TCTN2: variants seen among roughly 807,000 people sequenced by gnomAD.
The protein encoded by TCTN2 is tectonic-2.
In TCTN2, 66 loss-of-function variants were observed where a neutral mutation model predicts 83.4. The ratio of observed to expected loss-of-function variants is 0.79; its 90% CI spans 0.65 to 0.97. TCTN2 has a LOEUF of 0.97. Ranked by LOEUF, TCTN2 falls within the 50% of genes least tolerant of loss-of-function variation. The probability of loss-of-function intolerance (pLI) is 0.00; values close to 1 mark genes in which losing one functional copy is unlikely to be tolerated. For synonymous variants in TCTN2, 301 were observed against 326.7 expected (o/e 0.92, Z 0.85); for missense variants, 794 against 858.1 (o/e 0.93, Z 0.93).
chr12:123,676,566 TAAAAAAAAAAA>T (rs60100973), intron 4 of TCTN2, among the ~76,000 whole-genome samples: 23 of 60,696 alleles, frequency 3.8e-4, no homozygotes, highest in Admixed American at 2.5e-3. Flanking sequence ...AGACTCCATC[TAAAAAAAAAAA>T]AAAAAAAAAA....
intron 4 of TCTN2, among the ~76,000 whole-genome samples, chr12:123,677,659 C>T (rs986930437): frequency 1.3e-5 from 2 of 152,154 alleles, no homozygotes; most frequent in Non-Finnish European, 2.9e-5. Flanking sequence ...AGCATTTCTC[C>T]TGAGCTGCTT....
intron 4 of TCTN2, among the ~76,000 whole-genome samples, chr12:123,677,962 C>T (rs1955845032): frequency 6.6e-6 from 1 of 152,150 alleles, no homozygotes; most frequent in East Asian, 1.9e-4. Flanking sequence ...GTTTCAGGCT[C>T]AGCGCATTCT....
At chr12:123,676,460 C>A (rs541609393) in intron 4 of TCTN2, among the ~76,000 whole-genome samples, 1 of 147,124 alleles carries the variant, frequency 6.8e-6, no homozygotes, top group African/African-American at 2.5e-5. Flanking sequence ...CCCAGCTACT[C>A]GAGAGGCTGA....
At chr12:123,693,709 C>T (rs2135845006) in intron 9 of TCTN2, among the ~76,000 whole-genome samples, 1 of 152,148 alleles carries the variant, frequency 6.6e-6, no homozygotes, top group Non-Finnish European at 1.5e-5. Flanking sequence ...CTGCCTTGGC[C>T]TCCCAAAGTG....
At chr12:123,688,244 C>A in intron 7 of TCTN2, 67 bp downstream of exon 7, 1 of 1,548,386 alleles carries the variant, frequency 6.5e-7, no homozygotes, top group Non-Finnish European at 8.7e-7. Context: ...GAGACGGAGT[C>A]TCGCTCTTAC....
intron 4 of TCTN2, 63 bp downstream of exon 4, chr12:123,673,873 TAGG>T (rs1252988898): frequency 2.0e-6 from 3 of 1,535,226 alleles, no homozygotes; most frequent in South Asian, 1.1e-5. Flanking sequence ...GAGGAAGAGG[TAGG>T]AGGATTGCTT....
intron 7 of TCTN2, among the ~76,000 whole-genome samples, chr12:123,689,491 A>T (rs1220690291): frequency 6.6e-6 from 1 of 152,150 alleles, no homozygotes; most frequent in Non-Finnish European, 1.5e-5. Context: ...AGCAGTAACT[A>T]TCATTCTTTG....
At chr12:123,678,600 A>G (rs1253241292) in intron 4 of TCTN2, among the ~76,000 whole-genome samples, 18 of 151,520 alleles carry the variant, frequency 1.2e-4, no homozygotes, top group Admixed American at 1.1e-3. Context: ...AAATCAGTAC[A>G]TTATGTATAT....
intron 7 of TCTN2, among the ~76,000 whole-genome samples, chr12:123,689,334 G>T (rs1180959502): frequency 6.6e-6 from 1 of 152,022 alleles, no homozygotes; most frequent in East Asian, 1.9e-4. Flanking sequence ...GGGATTACAG[G>T]CTTGAGCCAC....
At chr12:123,695,353 C>T (rs1391272267) in intron 11 of TCTN2, 56 bp downstream of exon 11, 1 of 1,165,820 alleles carries the variant, frequency 8.6e-7, no homozygotes, top group Admixed American at 1.7e-5. Context: ...GTTCAACACT[C>T]CCAGCCATCA....
intron 14 of TCTN2, 93 bp downstream of exon 14, chr12:123,699,903 C>G: frequency 1.0e-6 from 1 of 964,944 alleles, no homozygotes; most frequent in Non-Finnish European, 1.7e-6. Flanking sequence ...AGTAGGTCAT[C>G]TTCCTGAGGC....
chr12:123,699,753 G>C lies in TCTN2; in HGVS notation c.1555G>C (p.Ala519Pro). 6.2e-7 allele frequency: 1 copy of C among 1,614,220 alleles called. No homozygotes were observed. The highest frequency in any genetic ancestry group is 8.5e-7 in the Non-Finnish European group (1 of 1,180,046). Residue 519 changes from alanine to proline, a missense_variant, in exon 14 of 18, where the codon GCA becomes CCA. Coordinates refer to ENST00000303372, the MANE Select transcript of TCTN2 (RefSeq NM_024809.5). ...LDSLIQATHV[A>P]MRGNSDYADL... ...TTCATTAATACAAGCGACTCACGTT[G>C]CAATGAGAGGCAACTCCGATTACGC...
rs760245764 is a variant in TCTN2 at position 123,671,513 on chromosome 12, T to C, written c.89T>C (p.Ile30Thr). Residue 30 changes from isoleucine to threonine, a missense_variant, in exon 2 of 18, where the codon ATC (isoleucine) becomes ACC (threonine). Physicochemically the swap from Ile to Thr is moderately conservative, Grantham distance 89. Coordinates refer to ENST00000303372, the MANE Select transcript of TCTN2 (RefSeq NM_024809.5). Reference sequence around the variant, plus strand: ...CCCTTTCCTTCCCGCCTAGCTTTCATCCCTCCTTTTATCCGAATGTCCGGC... The same window carrying C: ...CCCTTTCCTTCCCGCCTAGCTTTCACCCCTCCTTTTATCCGAATGTCCGGC... Reference protein sequence around the residue: ...LRLLWGDLAFIPPFIRMSGPA... With the variant: ...LRLLWGDLAFTPPFIRMSGPA... 12 of 1,613,974 alleles carry C rather than the reference T, an allele frequency of 7.4e-6. No individual in the cohort carries two copies. In the Admixed American group the frequency reaches 1.5e-4, roughly 20 times the overall value.
chr12:123,696,581 A>G (rs1956112548), intron 12 of TCTN2, 86 bp downstream of exon 12: 3 of 1,247,288 alleles, frequency 2.4e-6, no homozygotes, highest in Non-Finnish European at 3.5e-6. Context: ...CAAGCAATCA[A>G]TTATTTTAAA....
At chr12:123,681,076 C>T (rs1249806905) in intron 5 of TCTN2, among the ~76,000 whole-genome samples, 3 of 151,802 alleles carry the variant, frequency 2.0e-5, no homozygotes, top group African/African-American at 7.3e-5. Context: ...GGATACCAGC[C>T]TGGGCAACAT....
At chr12:123,671,731 T>TG (rs1724490915) in intron 2 of TCTN2, 117 bp downstream of exon 2, 2 of 871,844 alleles carry the variant, frequency 2.3e-6, no homozygotes, top group East Asian at 5.2e-5. Context: ...CAAAGTCGCA[T>TG]GGGGAGAAAA....
intron 14 of TCTN2, among the ~76,000 whole-genome samples, chr12:123,700,426 T>G (rs1360317577): frequency 6.6e-6 from 1 of 152,070 alleles, no homozygotes; most frequent in African/African-American, 2.4e-5. Context: ...GCCAGTTTTT[T>G]TGTTTGTTTG....
At chr12:123,671,369 C>T in intron 1 of TCTN2, 47 bp downstream of exon 1, 1 of 1,606,598 alleles carries the variant, frequency 6.2e-7, no homozygotes, top group Non-Finnish European at 8.5e-7. Flanking sequence ...GCTGAGGGGA[C>T]TGGGCGTTAA....
At chr12:123,697,421 T>A (rs1305736009) in intron 13 of TCTN2, among the ~76,000 whole-genome samples, 1 of 152,210 alleles carries the variant, frequency 6.6e-6, no homozygotes, top group African/African-American at 2.4e-5. Flanking sequence ...TCATCCACAT[T>A]TAAGCAAATT....
Sources: gnomAD v4.1 joint callset for allele counts (sites outside exome capture counted in the v4.1 genomes callset) on GRCh38, gnomAD v4.1.1 for gene constraint, MANE v1.5 for transcripts, NCBI Gene and HGNC (gene_info 2026-07-23, HGNC 2026-07-21) for gene names.